Variants in PRIM2 observed in about 807,000 individuals in gnomAD.
PRIM2 encodes the protein DNA primase large subunit.
A neutral mutation model predicts 67.3 loss-of-function variants in PRIM2; 39 were observed. The ratio of observed to expected loss-of-function variants is 0.58; its 90% confidence interval spans 0.45 to 0.76. The LOEUF (loss-of-function observed/expected upper bound fraction) is 0.76, where lower values mean the gene tolerates loss of function less well. Ranked by LOEUF, PRIM2 falls within the 30% of genes least tolerant of loss-of-function variation. The pLI, the probability that PRIM2 is intolerant of heterozygous loss-of-function variation, is 0.00. For synonymous variants in PRIM2, 143 were observed against 198.7 expected (o/e 0.72, Z 2.36); for missense variants, 398 against 598.7 (o/e 0.66, Z 3.50).
At chr6:57,471,987 T>G (rs1428002782) in intron 7 of PRIM2, among the ~76,000 whole-genome samples, 3 of 150,902 alleles carry the variant, frequency 2.0e-5, no homozygotes, top group East Asian at 4.2e-4. Flanking sequence ...AGATACGCGG[T>G]TTTTTTTTGA....
chr6:57,326,893 CTTTTT>C (rs70989764), intron 5 of PRIM2, among the ~76,000 whole-genome samples: 8 of 131,516 alleles, frequency 6.1e-5, no homozygotes, highest in African/African-American at 2.4e-4. Flanking sequence ...GAATTTGTAT[CTTTTT>C]TTTTTTTTTT....
upstream of PRIM2, among the ~76,000 whole-genome samples, chr6:57,312,395 G>T (rs2127262971): frequency 6.6e-6 from 1 of 152,120 alleles, no homozygotes; most frequent in South Asian, 2.1e-4. Context: ...CTAGCTATTT[G>T]GGAGGCTCAG....
At chr6:57,311,633 C>T (rs544081978), upstream of PRIM2, among the ~76,000 whole-genome samples, 5 of 152,196 alleles carry the variant, frequency 3.3e-5, no homozygotes, top group African/African-American at 4.8e-5. Context: ...GGGTGACCGG[C>T]GGGCAGAGGC....
the PRIM2 span, among the ~76,000 whole-genome samples, chr6:57,302,448 T>A: frequency 6.6e-6 from 1 of 152,204 alleles, no homozygotes; most frequent in African/African-American, 2.4e-5. Flanking sequence ...AATTGTACAT[T>A]AAAAATTAGG....
At chr6:57,494,124 C>A (rs1773954429) in intron 7 of PRIM2, among the ~76,000 whole-genome samples, 1 of 152,118 alleles carries the variant, frequency 6.6e-6, no homozygotes, top group African/African-American at 2.4e-5. Flanking sequence ...TTACTTTACC[C>A]CAACTCTTGA....
At chr6:57,460,091 G>C (rs1232806348) in intron 7 of PRIM2, among the ~76,000 whole-genome samples, 1 of 152,020 alleles carries the variant, frequency 6.6e-6, no homozygotes, top group Non-Finnish European at 1.5e-5. Context: ...TTGTATGGTG[G>C]GGGCAGGAGC....
the PRIM2 span, among the ~76,000 whole-genome samples, chr6:57,244,402 G>T: frequency 6.6e-6 from 1 of 152,086 alleles, no homozygotes; most frequent in African/African-American, 2.4e-5. Context: ...TTTTAAAATT[G>T]TCTTCCTCAT....
chr6:57,608,820 G>A (rs1776613849), intron 12 of PRIM2, among the ~76,000 whole-genome samples: 1 of 152,088 alleles, frequency 6.6e-6, no homozygotes, highest in South Asian at 2.1e-4. Flanking sequence ...CCTATCTGTA[G>A]AAAGAGGAGG....
intron 7 of PRIM2, among the ~76,000 whole-genome samples, chr6:57,422,781 C>A (rs2127373034): frequency 6.6e-6 from 1 of 152,014 alleles, no homozygotes; most frequent in African/African-American, 2.4e-5. Flanking sequence ...TCCCCACATG[C>A]AGCAGAACTC....
At chr6:57,373,740 GA>G (rs1162176554) in intron 5 of PRIM2, among the ~76,000 whole-genome samples, 1 of 152,034 alleles carries the variant, frequency 6.6e-6, no homozygotes, top group Non-Finnish European at 1.5e-5. Flanking sequence ...TAGGTTTGTT[GA>G]TGATCAAGTG....
At chr6:57,490,050 C>T (rs1773853931) in intron 7 of PRIM2, among the ~76,000 whole-genome samples, 1 of 151,560 alleles carries the variant, frequency 6.6e-6, no homozygotes, top group Non-Finnish European at 1.5e-5. Flanking sequence ...TTCAGGGCAG[C>T]ACTAAAGGCT....
At chr6:57,298,334 C>T in the PRIM2 span, among the ~76,000 whole-genome samples, 44 of 152,266 alleles carry the variant, frequency 2.9e-4, no homozygotes, top group African/African-American at 9.9e-4. Flanking sequence ...GCACTCCATC[C>T]TGGACCACAG....
rs1562689851 is a variant in PRIM2, at chr6:57,318,510, A to G, written c.65A>G (p.Tyr22Cys). ...GCAGGTGACCAGAGGAATGCTTCCT[A>G]CCCTCATTGCCTTCAGTTTTACTTG... The part of the protein sequence containing the change: ...RLAGDQRNAS[Y>C]PHCLQFYLQP... Residue 22 changes from tyrosine (Y) to cysteine (C), a missense_variant, in exon 2 of 14, where the codon TAC becomes TGC. Transcript: ENST00000615550. 2 of 1,606,994 alleles carry G rather than the reference A, an allele frequency of 1.2e-6. No homozygotes were observed. The highest frequency in any genetic ancestry group is 1.1e-5 in the South Asian group (1 of 89,514).
At chr6:57,638,598 AAG>A (rs1777166342) in intron 13 of PRIM2, among the ~76,000 whole-genome samples, 3 of 149,160 alleles carry the variant, frequency 2.0e-5, no homozygotes, top group African/African-American at 5.0e-5. Flanking sequence ...AAAAAAAAAA[AAG>A]CAGGGATTGC....
In PRIM2 at chr6:57,317,633, T is replaced by C. The variant is rs1767519909; in HGVS notation, c.-78T>C. 6.5e-6 allele frequency: 1 copy of C among 152,740 alleles called. No homozygotes were observed. The highest frequency in any genetic ancestry group is 6.5e-5 in the Admixed American group (1 of 15,286). 9.5% of individuals were successfully genotyped at this position (152,740 alleles called of 1,614,324 possible). On this transcript the variant is annotated 5_prime_UTR_variant, in exon 1 of 14. An upstream start codon of the reference 5' UTR is lost. Transcript: ENST00000615550. ...AGTCACTTCCTCTTCCGGTTTCATA[T>C]GAACTCTCCCGCCACCCGGGAACAG...
the PRIM2 span, among the ~76,000 whole-genome samples, chr6:57,236,101 C>T: frequency 6.6e-6 from 1 of 152,208 alleles, no homozygotes; most frequent in South Asian, 2.1e-4. Context: ...CAATAGGAGA[C>T]TATATCGTAA....
intron 10 of PRIM2, among the ~76,000 whole-genome samples, chr6:57,569,077 T>A: frequency 1.3e-5 from 2 of 152,238 alleles, no homozygotes; most frequent in African/African-American, 4.8e-5. Flanking sequence ...GATGATTATT[T>A]GGGTCTGTTA....
the PRIM2 span, among the ~76,000 whole-genome samples, chr6:57,244,618 G>A: frequency 2.0e-5 from 3 of 152,066 alleles, no homozygotes. Flanking sequence ...AAAATTAGCT[G>A]GGCGTGGTGG....
intron 7 of PRIM2, among the ~76,000 whole-genome samples, chr6:57,439,402 CTGT>C (rs1772122725): frequency 1.9e-5 from 2 of 104,384 alleles, no homozygotes; most frequent in Non-Finnish European, 1.9e-5. Context: ...TAGAGGTACT[CTGT>C]TTTTTTTTTT....
Sources: allele counts gnomAD v4.1 joint callset (sites outside exome capture counted in the v4.1 genomes callset), GRCh38; gene constraint gnomAD v4.1.1; transcripts MANE v1.5; gene names NCBI Gene and HGNC (gene_info 2026-07-23, HGNC 2026-07-21).